MARCHF7: variants seen among roughly 807,000 people sequenced by gnomAD.
The protein encoded by MARCHF7 is E3 ubiquitin-protein ligase MARCHF7.
Under a neutral mutation model 76.5 loss-of-function variants are expected in MARCHF7, and 20 were observed. The observed-to-expected ratio is 0.26, with a 90% CI of 0.18 to 0.38. The LOEUF is 0.38. MARCHF7 is among the 10% of genes least tolerant of loss of function. The pLI is 1.00. For synonymous variants in MARCHF7, 295 were observed against 293.0 expected, an observed-to-expected ratio of 1.01 and a Z score of -0.07; for missense variants, 797 against 812.9, an observed-to-expected ratio of 0.98 and a Z score of 0.24.
At chr2:159,734,092 A>T (rs747339673) in intron 4 of MARCHF7, 5 of 1,321,160 alleles carry the variant, frequency 3.8e-6, no homozygotes, top group South Asian at 2.1e-5. Context: ...AGTAAGCAAA[A>T]TTTACATGTT....
At chr2:159,766,224 G>T (rs1707744058) in intron 11 of MARCHF7, among the ~76,000 whole-genome samples, 1 of 152,114 alleles carries the variant, frequency 6.6e-6, no homozygotes, top group Admixed American at 6.6e-5. Flanking sequence ...AAAAACACAA[G>T]AAGTTCCTTA....
intron 9 of MARCHF7, among the ~76,000 whole-genome samples, 177 bp downstream of exon 9, chr2:159,759,512 T>A (rs1033636745): frequency 1.3e-5 from 2 of 152,168 alleles, no homozygotes; most frequent in South Asian, 2.1e-4. Flanking sequence ...AATTTTTTTT[T>A]TTTTATTTTT....
At chr2:159,728,263 C>T (rs1467369805) in intron 3 of MARCHF7, among the ~76,000 whole-genome samples, 1 of 152,154 alleles carries the variant, frequency 6.6e-6, no homozygotes, top group Non-Finnish European at 1.5e-5. Flanking sequence ...ACTGTCAGAC[C>T]TTGCATATAA....
intron 3 of MARCHF7, among the ~76,000 whole-genome samples, chr2:159,727,981 G>T (rs1164652700): frequency 2.0e-5 from 3 of 152,142 alleles, no homozygotes. Flanking sequence ...TTTTTTCTTA[G>T]AAGTTTTATT....
At chr2:159,759,880 T>A (rs1329801964) in intron 9 of MARCHF7, among the ~76,000 whole-genome samples, 1 of 152,206 alleles carries the variant, frequency 6.6e-6, no homozygotes, top group Non-Finnish European at 1.5e-5. Context: ...GATGACTGTT[T>A]GAGGCCAGGA....
chr2:159,730,044 T>C (rs979567971), intron 4 of MARCHF7, among the ~76,000 whole-genome samples: 2 of 152,230 alleles, frequency 1.3e-5, no homozygotes, highest in African/African-American at 2.4e-5. Context: ...TCTACTCTTA[T>C]GTAGCTAGTT....
At chr2:159,734,454 A>G (rs1703211613) in intron 4 of MARCHF7, among the ~76,000 whole-genome samples, 1 of 152,220 alleles carries the variant, frequency 6.6e-6, no homozygotes, top group African/African-American at 2.4e-5. Context: ...AAATAAATAC[A>G]TAGATGCATA....
At position 159,743,146 on chromosome 2, in the gene MARCHF7, C is replaced by G. The variant is rs146259885; in HGVS notation, c.239C>G (p.Ser80Trp). The change falls in exon 5 of 12, where the codon TCG becomes TGG. Residue 80 changes from serine to tryptophan, a missense_variant. Ser to Trp is a radical substitution (Grantham distance 177). This residue lies in a region of MARCHF7 where 643 missense variants were observed against 631.5 expected (regional missense o/e 1.02). Coordinates refer to ENST00000409175, the MANE Select transcript of MARCHF7 (RefSeq NM_001282805.2). ...ATAACTCAGGGAGCACGCTCAAGAT[C>G]GCAGAACCAGCAACGGGATCATGAT... is the stretch of plus-strand genomic sequence containing the variant. ...SEITQGARSR[S>W]QNQQRDHDSK... is the part of the protein sequence containing the mutation. 3 of 1,614,038 alleles carry G rather than the reference C, an allele frequency of 1.9e-6. No homozygotes were observed. Among genetic ancestry groups the G allele is most frequent in the Admixed American group, 1.7e-5 (1 of 60,006 alleles).
intron 8 of MARCHF7, among the ~76,000 whole-genome samples, chr2:159,756,232 T>C (rs1706273953): frequency 6.6e-6 from 1 of 152,220 alleles, no homozygotes; most frequent in Non-Finnish European, 1.5e-5. Flanking sequence ...GGAAAACAGA[T>C]AATACAGGTT....
At chr2:159,755,665 C>T (rs866778310) in intron 8 of MARCHF7, among the ~76,000 whole-genome samples, 2 of 152,088 alleles carry the variant, frequency 1.3e-5, no homozygotes, top group Non-Finnish European at 2.9e-5. Context: ...TATTAGACCA[C>T]GAGTACCAGG....
chr2:159,727,588 A>AG (rs1013160978), intron 3 of MARCHF7, among the ~76,000 whole-genome samples: 12 of 149,588 alleles, frequency 8.0e-5, no homozygotes, highest in African/African-American at 3.0e-4. Flanking sequence ...ACTCCGTCTC[A>AG]GAAAAAAAAA....
chr2:159,720,637 T>C (rs1359853362), intron 3 of MARCHF7, among the ~76,000 whole-genome samples: 2 of 152,198 alleles, frequency 1.3e-5, no homozygotes, highest in African/African-American at 4.8e-5. Context: ...CCCTTGTTCG[T>C]TATACTTGAA....
chr2:159,753,130 T>G (rs1228212302), intron 8 of MARCHF7, among the ~76,000 whole-genome samples: 1 of 152,188 alleles, frequency 6.6e-6, no homozygotes, highest in Non-Finnish European at 1.5e-5. Flanking sequence ...AGCTGAGCTA[T>G]TCCATAATTA....
chr2:159,769,641 A>G lies in MARCHF7; in HGVS notation c.*2299A>G, dbSNP rs13939. 140,946 of 152,066 alleles carry G rather than the reference A, an allele frequency of 0.93. 65,449 individuals are homozygous for G. The highest frequency in any genetic ancestry group is 0.96 in the African/African-American group (39,982 of 41,472). 9.4% of individuals were successfully genotyped at this position (152,066 alleles called of 1,614,324 possible). A position where few individuals can be genotyped will look rare whatever the true frequency, so the allele number is the denominator to read the frequency against. On this transcript the variant is annotated 3_prime_UTR_variant, in exon 12 of 12. Coordinates refer to ENST00000409175, the MANE Select transcript of MARCHF7 (RefSeq NM_001282805.2). ...AGCCTGGGCAGCACAGTGAGACTCC[A>G]TCATATATATATATATAGCACTTCA... is the stretch of plus-strand genomic sequence containing the variant.
intron 4 of MARCHF7, among the ~76,000 whole-genome samples, chr2:159,729,497 C>A (rs1190113525): frequency 1.3e-5 from 2 of 151,954 alleles, no homozygotes; most frequent in South Asian, 2.1e-4. Context: ...ATGACGAAAC[C>A]CCGTCTCGAC....
At chr2:159,714,102 CCATGACTCT>C (rs1252932509) in intron 1 of MARCHF7, among the ~76,000 whole-genome samples, 1 of 152,190 alleles carries the variant, frequency 6.6e-6, no homozygotes, top group Non-Finnish European at 1.5e-5. Flanking sequence ...CAAAAGTCAT[CCATGACTCT>C]CATGTAGCCA....
Position 159,748,362 on chromosome 2 carries a change from T to C in MARCHF7, c.1072T>C (p.Ser358Pro), listed in dbSNP as rs1705157771. Residue 358 changes from serine to proline, a missense_variant, in exon 7 of 12, where the codon TCA becomes CCA. Ser to Pro is a moderately conservative substitution (Grantham distance 74, BLOSUM62 -1). Around this residue, in one of 3 missense-constraint regions of MARCHF7, gnomAD observed 643 missense variants for 631.5 expected, o/e 1.02. Transcript: ENST00000409175. Reference protein sequence around the residue: ...FRFLRRRWGLSSLSHNHSSES... With the variant: ...FRFLRRRWGLPSLSHNHSSES... Reference sequence around the variant, plus strand: ...ATTTCTTAGGCGAAGATGGGGTTTGTCATCTCTTAGCCACAATCATAGCTC... The same window carrying C: ...ATTTCTTAGGCGAAGATGGGGTTTGCCATCTCTTAGCCACAATCATAGCTC... 1.2e-6 allele frequency: 2 copies of C among 1,613,724 alleles called. No individual in the cohort carries two copies. Among genetic ancestry groups the C allele is most frequent in the Admixed American group, 1.7e-5 (1 of 59,992 alleles).
chr2:159,739,118 A>C, intron 4 of MARCHF7, among the ~76,000 whole-genome samples: 1 of 152,164 alleles, frequency 6.6e-6, no homozygotes, highest in East Asian at 1.9e-4. Context: ...CGGGGGCGGG[A>C]AGGGAGGCTT....
At position 159,763,015 on chromosome 2, in the gene MARCHF7, G is replaced by A. The variant is rs534248079; in HGVS notation, c.2007+22G>A. The A allele has an allele frequency of 3.7e-5, 56 of 1,509,918 alleles. No homozygotes were observed. In the South Asian group the frequency reaches 6.0e-4, roughly 16 times the overall value. 93.5% of individuals were successfully genotyped at this position (1,509,918 alleles called of 1,614,324 possible). Reference sequence around the variant, plus strand: ...CCGAGTAAGTAATAATGAAGTTGGGGAGAGGGAGGGTATGATGCAGCAAGT... The same window carrying A: ...CCGAGTAAGTAATAATGAAGTTGGGAAGAGGGAGGGTATGATGCAGCAAGT... On this transcript the variant is annotated intron_variant, in intron 10 of 11. Transcript: ENST00000409175.
Sources: allele counts gnomAD v4.1 joint callset (sites outside exome capture counted in the v4.1 genomes callset), GRCh38; gene constraint gnomAD v4.1.1; regional missense constraint gnomAD v4.1.1; transcripts MANE v1.5; gene names NCBI Gene and HGNC (gene_info 2026-07-23, HGNC 2026-07-21).